Variants in BAZ1A observed in about 807,000 individuals in gnomAD.
BAZ1A encodes the protein bromodomain adjacent to zinc finger domain protein 1A.
In BAZ1A, 50 loss-of-function variants were observed where a neutral mutation model predicts 185.2. The ratio of observed to expected loss-of-function variants is 0.27; its 90% CI spans 0.22 to 0.34. The LOEUF (loss-of-function observed/expected upper bound fraction) is 0.34, where lower values mean the gene tolerates loss of function less well. BAZ1A is among the 10% of genes least tolerant of loss of function. BAZ1A has a pLI of 1.00. For missense variants in BAZ1A, 1,356 were observed against 1,839.9 expected, an observed-to-expected ratio of 0.74 and a Z score of 4.81; for synonymous variants, 571 against 615.6, an observed-to-expected ratio of 0.93 and a Z score of 1.07.
rs376803493 is a variant in BAZ1A, at chr14:34,761,809, A to C, written c.4191T>G (p.Leu1397=). Residue 1397 remains leucine, a synonymous_variant, in exon 24 of 27, where the codon CTT becomes CTG. Transcript: ENST00000360310. ...TTTTGGATTCACTCTCTTGGAGAGA[A>C]AGTTTTGAAGCAATATTTACAGATC... ...QSRSVNIASK[L]SLQESESKRR... 5.0e-6 allele frequency: 8 copies of C among 1,614,088 alleles called. No homozygotes were observed. Among genetic ancestry groups the C allele is most frequent in the African/African-American group, 2.7e-5 (2 of 74,924 alleles).
At chr14:34,811,128 A>G in intron 4 of BAZ1A, 92 bp from the exon 5 acceptor site, 1 of 905,726 alleles carries the variant, frequency 1.1e-6, no homozygotes, top group Non-Finnish European at 1.6e-6. Flanking sequence ...ATACTATAAT[A>G]AAATCACATA....
chr14:34,859,979 G>C (rs1474477033), intron 3 of BAZ1A, among the ~76,000 whole-genome samples: 1 of 152,066 alleles, frequency 6.6e-6, no homozygotes, highest in Non-Finnish European at 1.5e-5. Flanking sequence ...AAGGACCTAA[G>C]GAGTGGATCT....
intron 26 of BAZ1A, among the ~76,000 whole-genome samples, chr14:34,754,516 TA>T (rs2138516825): frequency 6.6e-6 from 1 of 152,274 alleles, no homozygotes; most frequent in East Asian, 1.9e-4. Flanking sequence ...GTAAATACTT[TA>T]AAATTGTTTT....
At chr14:34,769,777 A>C (rs1050971917) in intron 21 of BAZ1A, among the ~76,000 whole-genome samples, 23 of 152,204 alleles carry the variant, frequency 1.5e-4, no homozygotes, top group African/African-American at 5.5e-4. Context: ...TTGAAATTTT[A>C]ATTTAGCTAA....
At chr14:34,849,252 T>A (rs7143293) in intron 3 of BAZ1A, among the ~76,000 whole-genome samples, 25,576 of 152,132 alleles carry the variant, frequency 0.17, 2,461 homozygotes, top group Admixed American at 0.28. Context: ...ATCGCTGCAT[T>A]CCAGACTAGG....
At chr14:34,869,438 G>C (rs759918730) in intron 2 of BAZ1A, among the ~76,000 whole-genome samples, 1 of 152,154 alleles carries the variant, frequency 6.6e-6, no homozygotes, top group African/African-American at 2.4e-5. Context: ...GAAAGAGACA[G>C]AACTATCTCA....
At chr14:34,807,387 T>C (rs879910530) in intron 6 of BAZ1A, 64 bp downstream of exon 6, 4 of 1,181,862 alleles carry the variant, frequency 3.4e-6, no homozygotes, top group African/African-American at 1.6e-5. Flanking sequence ...AGCAATGTTA[T>C]AACTTTATAA....
chr14:34,786,476 C>A, intron 12 of BAZ1A: 1 of 357,230 alleles, frequency 2.8e-6, no homozygotes, highest in Non-Finnish European at 5.1e-6. Flanking sequence ...ATGAGACGCA[C>A]ATAAACATTC....
chr14:34,787,351 C>CAAAA (rs918534072), intron 12 of BAZ1A, among the ~76,000 whole-genome samples: 214 of 41,460 alleles, frequency 5.2e-3, no homozygotes, highest in African/African-American at 0.014. Context: ...GACTCTGTCT[C>CAAAA]AAAAAAAAAA....
chr14:34,835,522 T>G (rs188373429), intron 3 of BAZ1A, among the ~76,000 whole-genome samples: 1 of 152,044 alleles, frequency 6.6e-6, no homozygotes, highest in African/African-American at 2.4e-5. Flanking sequence ...TTTCACAACT[T>G]TAAGCCCAGG....
At chr14:34,827,172 C>A (rs973157151) in intron 3 of BAZ1A, among the ~76,000 whole-genome samples, 1 of 152,138 alleles carries the variant, frequency 6.6e-6, no homozygotes, top group Non-Finnish European at 1.5e-5. Flanking sequence ...CTTCTAAAAT[C>A]CAATGAGACT....
rs557554228 is a variant in BAZ1A, at chr14:34,847,436, AACT to A, written c.392+14605_392+14607del. ...AATGAAAGCTTTCTTTCTGAAAAAG[AACT>A]ACAATAAATTTAATGTGTTGCTAAA... On this transcript the variant is annotated intron_variant, in intron 3 of 26. Coordinates refer to ENST00000360310, the MANE Select transcript of BAZ1A (RefSeq NM_013448.3). Among the ~76,000 whole-genome samples the A allele has an allele frequency of 7.1e-4, 108 of 152,250 alleles. 1 individual carries two copies. The highest frequency in any genetic ancestry group is 2.4e-3 in the African/African-American group (101 of 41,542).
chr14:34,852,594 G>A (rs766209569), intron 3 of BAZ1A, among the ~76,000 whole-genome samples: 4 of 152,152 alleles, frequency 2.6e-5, no homozygotes, highest in Non-Finnish European at 5.9e-5. Flanking sequence ...ACTCCAGCCT[G>A]GGTGACAGAC....
At chr14:34,862,010 A>G in intron 3 of BAZ1A, 34 bp downstream of exon 3, 1 of 1,599,372 alleles carries the variant, frequency 6.3e-7, no homozygotes, top group Non-Finnish European at 8.5e-7. Flanking sequence ...TGTGAATATA[A>G]ACTTACCAAG....
intron 3 of BAZ1A, among the ~76,000 whole-genome samples, chr14:34,837,405 T>TC (rs1425498112): frequency 2.1e-5 from 2 of 94,886 alleles, no homozygotes; most frequent in Non-Finnish European, 4.6e-5. Flanking sequence ...CCACCCCAGC[T>TC]AATTTTTTTT....
At chr14:34,776,805 A>C (rs963688199) in intron 17 of BAZ1A, among the ~76,000 whole-genome samples, 4 of 152,176 alleles carry the variant, frequency 2.6e-5, no homozygotes, top group Admixed American at 2.0e-4. Flanking sequence ...AAAGCCATGT[A>C]AGGATATAGC....
At chr14:34,763,977 G>A (rs779242414) in intron 23 of BAZ1A, among the ~76,000 whole-genome samples, 1 of 151,782 alleles carries the variant, frequency 6.6e-6, no homozygotes, top group Non-Finnish European at 1.5e-5. Flanking sequence ...CCTTTATTTC[G>A]GCCCTCAACC....
At chr14:34,859,292 GGT>G (rs1157902623) in intron 3 of BAZ1A, among the ~76,000 whole-genome samples, 1 of 151,984 alleles carries the variant, frequency 6.6e-6, no homozygotes, top group African/African-American at 2.4e-5. Flanking sequence ...AAATCAGCCA[GGT>G]GTGGTGGCAC....
chr14:34,856,037 A>T (rs956150718), intron 3 of BAZ1A, among the ~76,000 whole-genome samples: 11 of 152,204 alleles, frequency 7.2e-5, no homozygotes, highest in South Asian at 6.2e-4. Context: ...TTTAATATAA[A>T]TCTCCCACAA....
Sources: gnomAD v4.1 joint callset for allele counts (sites outside exome capture counted in the v4.1 genomes callset) on GRCh38, gnomAD v4.1.1 for gene constraint, MANE v1.5 for transcripts, NCBI Gene and HGNC (gene_info 2026-07-23, HGNC 2026-07-21) for gene names.